SQSTM1: variants seen among roughly 807,000 people sequenced by gnomAD.
The protein encoded by SQSTM1 is sequestosome-1.
A neutral mutation model predicts 45.1 loss-of-function variants in SQSTM1; 36 were observed. The observed-to-expected ratio is 0.80, with a 90% CI of 0.61 to 1.05. The LOEUF is 1.05. Among genes scored for constraint, SQSTM1 ranks in the 50% least tolerant of loss-of-function variants. The pLI is 0.00. For missense variants in SQSTM1, 617 were observed against 607.1 expected, an observed-to-expected ratio of 1.02 and a Z score of -0.17; for synonymous variants, 290 against 244.3, an observed-to-expected ratio of 1.19 and a Z score of -1.74.
chr5:179,814,610 T>C (rs1757526300), upstream of SQSTM1, among the ~76,000 whole-genome samples: 1 of 152,228 alleles, frequency 6.6e-6, no homozygotes, highest in Non-Finnish European at 1.5e-5. Context: ...TCAAAGGCTT[T>C]CTTGGCAAAG....
Position 179,825,192 on chromosome 5 carries a change from T to C in SQSTM1, c.720T>C (p.Val240=). 6.2e-7 allele frequency: 1 copy of C among 1,614,078 alleles called. No homozygotes were observed. Among genetic ancestry groups the C allele is most frequent in the Non-Finnish European group, 8.5e-7 (1 of 1,180,024 alleles). Residue 240 remains valine (V), a synonymous_variant, in exon 5 of 8, where the codon GTT becomes GTC. Coordinates refer to ENST00000389805, the MANE Select transcript of SQSTM1 (RefSeq NM_003900.5). ...CGAGTGTGAATTTCCTGAAGAACGTTGGGGAGAGTGTGGCAGCTGCCCTTA... is the reference window on the plus strand; with the variant it reads ...CGAGTGTGAATTTCCTGAAGAACGTCGGGGAGAGTGTGGCAGCTGCCCTTA... ...EDPSVNFLKN[V]GESVAAALSP... is the part of the protein sequence containing the mutation.
Position 179,837,227 on chromosome 5 carries a change from A to C in SQSTM1, c.*634A>C. On this transcript the variant is annotated 3_prime_UTR_variant, in exon 8 of 8. Coordinates refer to ENST00000389805, the MANE Select transcript of SQSTM1 (RefSeq NM_003900.5). ...ATCCTGTTAAATTTGTAAACAATCT[A>C]ATTAAATGGCATCAGCACTTTAACC... 1.3e-6 allele frequency: 2 copies of C among 1,592,546 alleles called. No individual in the cohort carries two copies. Among genetic ancestry groups the C allele is most frequent in the Admixed American group, 1.7e-5 (1 of 57,898 alleles).
chr5:179,836,653 C>A lies in SQSTM1; in HGVS notation c.*60C>A, dbSNP rs369609665. The stretch of plus-strand genomic sequence containing the variant: ...CTGTCTCATAGTTGTGTTAAGCTTG[C>A]GTAGAATTGCAGGTCTCTGTACGGG... On this transcript the variant is annotated 3_prime_UTR_variant, in exon 8 of 8. Transcript: ENST00000389805. The A allele has an allele frequency of 1.9e-6, 3 of 1,611,544 alleles. No individual in the cohort carries two copies. Among genetic ancestry groups the A allele is most frequent in the South Asian group, 2.2e-5 (2 of 91,042 alleles).
At chr5:179,824,434 A>C (rs1757918956) in intron 4 of SQSTM1, 111 bp downstream of exon 4, 5 of 1,477,750 alleles carry the variant, frequency 3.4e-6, no homozygotes, top group Non-Finnish European at 4.7e-6. Flanking sequence ...GATACCCCCC[A>C]CCTTCCTGGT....
At chr5:179,810,658 A>G (rs1355796504) in intron 1 of SQSTM1, among the ~76,000 whole-genome samples, 1 of 152,198 alleles carries the variant, frequency 6.6e-6, no homozygotes, top group Admixed American at 6.5e-5. Flanking sequence ...GTCAAATGGC[A>G]TTTCTAGTTC....
chr5:179,828,369 C>CTTT (rs57483633), intron 5 of SQSTM1, among the ~76,000 whole-genome samples: 191 of 98,264 alleles, frequency 1.9e-3, no homozygotes, highest in Middle Eastern at 6.8e-3. Context: ...TTTTTCTTAT[C>CTTT]TTTTTTTTTT....
upstream of SQSTM1, among the ~76,000 whole-genome samples, chr5:179,814,701 A>G (rs1184658271): frequency 6.6e-6 from 1 of 152,248 alleles, no homozygotes; most frequent in Admixed American, 6.5e-5. Context: ...CTTCTGGCTC[A>G]GGTCCTTGGC....
At chr5:179,823,807 G>T (rs375154472) in intron 2 of SQSTM1, 51 bp from the exon 3 acceptor site, 972 of 1,584,580 alleles carry the variant, frequency 6.1e-4, no homozygotes, top group Non-Finnish European at 8.1e-4. Context: ...CGACAGAGGG[G>T]GAGGACTTTA....
upstream of SQSTM1, among the ~76,000 whole-genome samples, chr5:179,817,708 G>A (rs905912053): frequency 2.0e-5 from 3 of 152,138 alleles, no homozygotes; most frequent in Non-Finnish European, 4.4e-5. Context: ...TGTCTGAAAG[G>A]GCTAAAAGGG....
upstream of SQSTM1, among the ~76,000 whole-genome samples, chr5:179,818,080 C>T (rs1433043933): frequency 7.1e-6 from 1 of 141,374 alleles, no homozygotes; most frequent in Non-Finnish European, 1.5e-5. Context: ...AGGGAGTGGT[C>T]AAGGAAGGCC....
chr5:179,822,057 A>G (rs1167926383), intron 1 of SQSTM1, among the ~76,000 whole-genome samples: 1 of 152,232 alleles, frequency 6.6e-6, no homozygotes, highest in Non-Finnish European at 1.5e-5. Context: ...GACCATATTC[A>G]GTGTGAGAGC....
At position 179,825,184 on chromosome 5, in the gene SQSTM1, A is replaced by G. The variant is rs11548633; in HGVS notation, c.712A>G (p.Lys238Glu). The part of the protein sequence containing the change: ...PSEDPSVNFL[K>E]NVGESVAAAL... ...GGAGGATCCGAGTGTGAATTTCCTGAAGAACGTTGGGGAGAGTGTGGCAGC... is the reference window on the plus strand; with the variant it reads ...GGAGGATCCGAGTGTGAATTTCCTGGAGAACGTTGGGGAGAGTGTGGCAGC... Residue 238 changes from lysine (K) to glutamate (E), a missense_variant, in exon 5 of 8, where the codon AAG becomes GAG. Lys to Glu is a moderately conservative substitution (Grantham distance 56). Transcript: ENST00000389805. The G allele has an allele frequency of 3.4e-3, 5,493 of 1,614,012 alleles. 26 individuals carry two copies. The highest frequency in any genetic ancestry group is 4.9e-3 in the South Asian group (443 of 91,082).
At chr5:179,822,869 C>A in intron 1 of SQSTM1, 89 bp from the exon 2 acceptor site, 1 of 1,079,078 alleles carries the variant, frequency 9.3e-7, no homozygotes, top group Non-Finnish European at 1.4e-6. Context: ...CTGTGAGTGT[C>A]CCTTTCATAC....
chr5:179,822,985 C>A lies in SQSTM1; in HGVS notation c.233C>A (p.Ser78Tyr), dbSNP rs1242180260. 6.2e-7 allele frequency: 1 copy of A among 1,614,112 alleles called. No individual in the cohort carries two copies. The highest frequency in any genetic ancestry group is 8.5e-7 in the Non-Finnish European group (1 of 1,180,008). Residue 78 changes from serine to tyrosine, a missense_variant, in exon 2 of 8, where the codon TCC becomes TAC. Coordinates refer to ENST00000389805, the MANE Select transcript of SQSTM1 (RefSeq NM_003900.5). ...RDEDGDLVAF[S>Y]SDEELTMAMS... ...GAGGACGGGGACTTGGTTGCCTTTT[C>A]CAGTGACGAGGAATTGACAATGGCC...
At chr5:179,834,458 C>A (rs941849508) in intron 7 of SQSTM1, among the ~76,000 whole-genome samples, 1 of 151,566 alleles carries the variant, frequency 6.6e-6, no homozygotes, top group Non-Finnish European at 1.5e-5. Context: ...GTGTTTCTCG[C>A]AGAGGGGGAT....
At position 179,836,675 on chromosome 5, in the gene SQSTM1, C is replaced by T. The variant is rs11548622; in HGVS notation, c.*82C>T. On this transcript the variant is annotated 3_prime_UTR_variant, in exon 8 of 8. Transcript: ENST00000389805. Reference sequence around the variant, plus strand: ...TTGCGTAGAATTGCAGGTCTCTGTACGGGCCAGTTTCTCTGCCTTCTTCCA... The same window carrying T: ...TTGCGTAGAATTGCAGGTCTCTGTATGGGCCAGTTTCTCTGCCTTCTTCCA... The T allele has an allele frequency of 6.8e-5, 108 of 1,598,814 alleles. No individual in the cohort carries two copies. The highest frequency in any genetic ancestry group is 1.2e-4 in the African/African-American group (9 of 74,614).
intron 7 of SQSTM1, chr5:179,835,247 G>A (rs540064410): frequency 5.4e-4 from 96 of 179,270 alleles, no homozygotes; most frequent in South Asian, 2.8e-3. Context: ...GACGATGGGC[G>A]GCCAGGCAGA....
chr5:179,828,479 T>C (rs1758091809), intron 5 of SQSTM1, among the ~76,000 whole-genome samples: 1 of 150,982 alleles, frequency 6.6e-6, no homozygotes, highest in Non-Finnish European at 1.5e-5. Flanking sequence ...GTTCAAGCGA[T>C]TCTCCTGCCT....
chr5:179,836,473 G>A lies in SQSTM1; in HGVS notation c.1203G>A (p.Met401Ile). ...GGCTGATTGAGTCCCTCTCCCAGAT[G>A]CTGTCCATGGGCTTCTCTGATGAAG... ...DPRLIESLSQ[M>I]LSMGFSDEGG... is the part of the protein sequence containing the mutation. The change falls in exon 8 of 8, where the codon ATG becomes ATA. Residue 401 changes from methionine to isoleucine, a missense_variant. Physicochemically the swap from Met to Ile is conservative, Grantham distance 10. Transcript: ENST00000389805. 6.2e-7 allele frequency: 1 copy of A among 1,614,194 alleles called. No homozygotes were observed. Among genetic ancestry groups the A allele is most frequent in the Non-Finnish European group, 8.5e-7 (1 of 1,180,028 alleles).
Sources: gnomAD v4.1 joint callset for allele counts (sites outside exome capture counted in the v4.1 genomes callset) on GRCh38, gnomAD v4.1.1 for gene constraint, MANE v1.5 for transcripts, NCBI Gene and HGNC (gene_info 2026-07-23, HGNC 2026-07-21) for gene names.